The following MARK2 variants were observed in gnomAD, a reference collection of about 807,000 sequenced individuals.
MARK2 encodes the protein microtubule affinity regulating kinase 2.
A neutral mutation model predicts 89.8 loss-of-function variants in MARK2; 16 were observed. The ratio of observed to expected loss-of-function variants is 0.18; its 90% CI spans 0.12 to 0.27. The LOEUF (loss-of-function observed/expected upper bound fraction) is 0.27, where lower values mean the gene tolerates loss of function less well. Among genes scored for constraint, MARK2 ranks in the 10% least tolerant of loss-of-function variants. The pLI, the probability that MARK2 is intolerant of heterozygous loss-of-function variation, is 1.00. For synonymous variants in MARK2, 382 were observed against 399.5 expected (o/e 0.96, Z 0.52); for missense variants, 621 against 1,049.9 (o/e 0.59, Z 5.65).
intron 1 of MARK2, among the ~76,000 whole-genome samples, chr11:63,842,374 G>A (rs1398258841): frequency 2.0e-5 from 3 of 151,972 alleles, no homozygotes; most frequent in South Asian, 2.1e-4. Context: ...ACACCGCCAC[G>A]CCCGGCTAAT....
At chr11:63,865,329 C>T (rs1938069144) in intron 1 of MARK2, among the ~76,000 whole-genome samples, 2 of 152,062 alleles carry the variant, frequency 1.3e-5, no homozygotes, top group African/African-American at 4.8e-5. Context: ...GCCTCGGCCC[C>T]CAAGGTTCAA....
intron 1 of MARK2, among the ~76,000 whole-genome samples, chr11:63,887,929 C>A (rs1284447237): frequency 6.6e-6 from 1 of 152,140 alleles, no homozygotes; most frequent in Non-Finnish European, 1.5e-5. Context: ...GATGAACGTT[C>A]AGAAGCAGGG....
chr11:63,902,558 G>A lies in MARK2; in HGVS notation c.1235-43G>A. The A allele has an allele frequency of 6.4e-7, 1 of 1,571,212 alleles. No homozygotes were observed. The highest frequency in any genetic ancestry group is 8.7e-7 in the Non-Finnish European group (1 of 1,147,154). On this transcript the variant is annotated intron_variant, in intron 12 of 18. Coordinates refer to ENST00000402010, the MANE Select transcript of MARK2 (RefSeq NM_001039469.3). This position sits in a 1 kb window ranked among gnomAD's most constrained non-coding sequence, Gnocchi z 4.2. ...AGCATGCGTGGGGCTGGCACTCAGT[G>A]GACCCCTTGGCCTTACCCATTCCCA...
At chr11:63,864,193 A>G (rs1937993570) in intron 1 of MARK2, among the ~76,000 whole-genome samples, 1 of 151,942 alleles carries the variant, frequency 6.6e-6, no homozygotes, top group Non-Finnish European at 1.5e-5. Flanking sequence ...TGACCTCGTC[A>G]TCTGCCTGCC....
At chr11:63,868,594 T>C in intron 1 of MARK2, 2 of 348,664 alleles carry the variant, frequency 5.7e-6, no homozygotes, top group South Asian at 4.3e-5. Context: ...ACAGGGAGGA[T>C]GCACTGCTGA....
chr11:63,908,842 C>CA lies in MARK2; in HGVS notation c.2007-35_2007-34insA, dbSNP rs1554988760. ...GCTCTCCTGGGGTGGGGTGCCTCAG[C>CA]CCCCCCGTGACGCCCGCCTCTGCCC... On this transcript the variant is annotated intron_variant, in intron 18 of 18. Coordinates refer to ENST00000402010, the MANE Select transcript of MARK2 (RefSeq NM_001039469.3). 165 of 1,323,196 alleles carry CA rather than the reference C, an allele frequency of 1.2e-4. 1 individual carries two copies. In the Admixed American group the frequency reaches 5.1e-3, roughly 41 times the overall value. The allele number at this position is 1,323,196 out of a possible 1,614,324, so 82.0% of individuals were successfully genotyped here. A position where few individuals can be genotyped will look rare whatever the true frequency, so the allele number is the denominator to read the frequency against.
intron 1 of MARK2, among the ~76,000 whole-genome samples, chr11:63,874,776 C>T (rs569501442): frequency 2.6e-5 from 4 of 152,190 alleles, no homozygotes; most frequent in South Asian, 4.2e-4. Flanking sequence ...CCAGCATCAG[C>T]GTTAGATACC....
At chr11:63,856,308 G>GTTT (rs771771264) in intron 1 of MARK2, among the ~76,000 whole-genome samples, 22 of 87,236 alleles carry the variant, frequency 2.5e-4, no homozygotes, top group African/African-American at 7.4e-4. Context: ...GGCCCTGTGG[G>GTTT]TTTTTTTTTT....
chr11:63,888,617 G>A (rs944950263), intron 1 of MARK2: 17 of 1,139,178 alleles, frequency 1.5e-5, no homozygotes, highest in Middle Eastern at 4.1e-4. Context: ...GGAATTGCAC[G>A]CGCTTCCTGA....
chr11:63,839,689 C>T, intron 1 of MARK2, 129 bp downstream of exon 1: 1 of 662,744 alleles, frequency 1.5e-6, no homozygotes. Flanking sequence ...TGTCATCCGG[C>T]TCCTGGCTCC....
chr11:63,883,128 C>T (rs999337315), intron 1 of MARK2, among the ~76,000 whole-genome samples: 1 of 152,188 alleles, frequency 6.6e-6, no homozygotes, highest in East Asian at 1.9e-4. Context: ...CCCTTGGCAC[C>T]ATGTGGTACT....
At position 63,900,198 on chromosome 11, in the gene MARK2, A is replaced by G. The variant is rs1940748135; in HGVS notation, c.768+88A>G. On this transcript the variant is annotated intron_variant, in intron 8 of 18. Coordinates refer to ENST00000402010, the MANE Select transcript of MARK2 (RefSeq NM_001039469.3). This position sits in a 1 kb window ranked among gnomAD's most constrained non-coding sequence, Gnocchi z 4.7. Reference sequence around the variant, plus strand: ...GACCTCCTGCCTTTGCCACCTGTCTACATTTGTCCCAAGCCAAAGCTTCAG... The same window carrying G: ...GACCTCCTGCCTTTGCCACCTGTCTGCATTTGTCCCAAGCCAAAGCTTCAG... 4.0e-6 allele frequency: 4 copies of G among 1,011,008 alleles called. No homozygotes were observed. The highest frequency in any genetic ancestry group is 6.1e-6 in the Non-Finnish European group (4 of 654,528). The allele number at this position is 1,011,008 out of a possible 1,614,324, so 62.6% of individuals were successfully genotyped here. A position where few individuals can be genotyped will look rare whatever the true frequency, so the allele number is the denominator to read the frequency against.
chr11:63,907,315 AG>A (rs982784433), intron 17 of MARK2, among the ~76,000 whole-genome samples: 13 of 152,254 alleles, frequency 8.5e-5, no homozygotes, highest in Admixed American at 7.8e-4. Flanking sequence ...GCTGCCCCAC[AG>A]GGGGTCTGGA....
intron 1 of MARK2, among the ~76,000 whole-genome samples, chr11:63,855,012 G>A (rs185975802): frequency 6.6e-6 from 1 of 152,118 alleles, no homozygotes; most frequent in Admixed American, 6.5e-5. Context: ...TGAACAAAGT[G>A]AGCCTGTCAT....
intron 1 of MARK2, among the ~76,000 whole-genome samples, chr11:63,871,182 G>A (rs1344575914): frequency 6.6e-6 from 1 of 152,188 alleles, no homozygotes; most frequent in Non-Finnish European, 1.5e-5. Context: ...CTTTAAATAC[G>A]AAGCCATCAC....
intron 1 of MARK2, among the ~76,000 whole-genome samples, chr11:63,859,756 C>G (rs759860793): frequency 4.0e-5 from 6 of 151,882 alleles, no homozygotes; most frequent in Non-Finnish European, 5.9e-5. Context: ...CTCGGCCTCC[C>G]GAGTAGCTGG....
At chr11:63,854,828 A>T (rs72934134) in intron 1 of MARK2, among the ~76,000 whole-genome samples, 71,935 of 148,380 alleles carry the variant, frequency 0.48, 19,837 homozygotes, top group East Asian at 0.89. Context: ...AAAAAAAAAA[A>T]AAAGGGTATT....
rs578217292 is a variant in MARK2, at chr11:63,861,531, C to T, written c.54+21971C>T. 8.6e-4 allele frequency among the ~76,000 whole-genome samples: 131 copies of T among 152,246 alleles called. 1 individual carries two copies. Among genetic ancestry groups the T allele is most frequent in the Non-Finnish European group, 1.5e-3 (99 of 68,014 alleles). ...GGCACCTCCTGGATGGCCCTGTAAG[C>T]GCATTAATCTGGTCCAAGTCATTGG... On this transcript the variant is annotated intron_variant, in intron 1 of 18. Transcript: ENST00000402010.
chr11:63,875,974 C>T lies in MARK2; in HGVS notation c.55-19185C>T, dbSNP rs118124580. 8.0e-4 allele frequency among the ~76,000 whole-genome samples: 122 copies of T among 152,318 alleles called. 1 individual carries two copies. In the East Asian group the frequency reaches 0.022, roughly 27 times the overall value. The stretch of plus-strand genomic sequence containing the variant: ...ACTTACTCTGGCCACACTGTGCACA[C>T]GCATGTGTGTGTAAAACACTGATCA... On this transcript the variant is annotated intron_variant, in intron 1 of 18. Transcript: ENST00000402010.
Sources: allele counts gnomAD v4.1 joint callset (sites outside exome capture counted in the v4.1 genomes callset), GRCh38; gene constraint gnomAD v4.1.1; non-coding constraint Gnocchi (gnomAD v3.1); transcripts MANE v1.5; gene names NCBI Gene and HGNC (gene_info 2026-07-23, HGNC 2026-07-21).